COL21A1: variants seen among roughly 807,000 people sequenced by gnomAD.
The protein encoded by COL21A1 is collagen alpha-1(XXI) chain.
Under a neutral mutation model 137.9 loss-of-function variants are expected in COL21A1, and 149 were observed. The observed-to-expected ratio is 1.08, with a 90% CI of 0.95 to 1.24. COL21A1 has a LOEUF of 1.24. Among genes scored for constraint, COL21A1 ranks in the 50% most tolerant of loss-of-function variants. The probability of loss-of-function intolerance (pLI) is 0.00; values close to 1 mark genes in which losing one functional copy is unlikely to be tolerated. For missense variants in COL21A1, 1,167 were observed against 1,158.4 expected, an observed-to-expected ratio of 1.01 and a Z score of -0.11; for synonymous variants, 456 against 391.5, an observed-to-expected ratio of 1.16 and a Z score of -1.95.
intron 1 of COL21A1, among the ~76,000 whole-genome samples, chr6:56,366,182 G>C (rs759215676): frequency 1.3e-5 from 2 of 152,050 alleles, no homozygotes; most frequent in Non-Finnish European, 2.9e-5. Flanking sequence ...TGAAGCCACA[G>C]CAGGAGGGAA....
chr6:56,075,463 AATGACATCAACATACAGG>A lies in COL21A1; in HGVS notation c.1909_1911+15del, dbSNP rs1767147314. 2.0e-6 allele frequency: 3 copies of A among 1,530,746 alleles called. No individual in the cohort carries two copies. Among genetic ancestry groups the A allele is most frequent in the Non-Finnish European group, 2.6e-6 (3 of 1,136,518 alleles). The allele number at this position is 1,530,746 out of a possible 1,614,324, so 94.8% of individuals were successfully genotyped here. ...TGCAAACACTTTGATGTATGATGAT[AATGACATCAACATACAGG>A]CATCCCTGGGGCTCCTTTTTTTCCT... On this transcript the variant is annotated splice_donor_variant and splice_donor_5th_base_variant and coding_sequence_variant and intron_variant, in exon 19 of 30. Coordinates refer to ENST00000244728, the MANE Select transcript of COL21A1 (RefSeq NM_030820.4). LOFTEE classifies it high-confidence loss of function.
At chr6:56,341,061 C>T (rs1054603236) in intron 1 of COL21A1, among the ~76,000 whole-genome samples, 1 of 152,164 alleles carries the variant, frequency 6.6e-6, no homozygotes, top group African/African-American at 2.4e-5. Context: ...CAATGGTCAC[C>T]ACTTCAAAAC....
At chr6:56,232,803 T>C (rs970196603) in intron 1 of COL21A1, among the ~76,000 whole-genome samples, 6 of 151,922 alleles carry the variant, frequency 3.9e-5, no homozygotes, top group African/African-American at 1.4e-4. Context: ...GTTCACTACA[T>C]AGTAGAAGTA....
At chr6:56,270,501 C>G (rs1763500886) in intron 1 of COL21A1, among the ~76,000 whole-genome samples, 1 of 152,158 alleles carries the variant, frequency 6.6e-6, no homozygotes, top group Non-Finnish European at 1.5e-5. Context: ...CAGTATTAGA[C>G]AGACCACTGA....
intron 1 of COL21A1, among the ~76,000 whole-genome samples, chr6:56,309,086 C>T (rs72870222): frequency 0.014 from 2,090 of 151,508 alleles, 21 homozygotes; most frequent in Non-Finnish European, 0.022. Context: ...ATCTGTCGCC[C>T]GGCTGGAGTA....
intron 16 of COL21A1, among the ~76,000 whole-genome samples, chr6:56,101,806 T>G (rs923385106): frequency 6.6e-6 from 1 of 152,184 alleles, no homozygotes; most frequent in African/African-American, 2.4e-5. Flanking sequence ...TAGACCATCT[T>G]ACTTCCAAGG....
chr6:56,212,788 T>C (rs1022727609), intron 1 of COL21A1, among the ~76,000 whole-genome samples: 4 of 152,082 alleles, frequency 2.6e-5, no homozygotes, highest in African/African-American at 9.7e-5. Flanking sequence ...GGATGTGAAA[T>C]GCATGGTTTT....
rs755003886 is a variant in COL21A1, at chr6:56,168,254, G to T, written c.1070C>A (p.Thr357Lys). Residue 357 changes from threonine to lysine, a missense_variant, in exon 6 of 30, where the codon ACA becomes AAA. Coordinates refer to ENST00000244728, the MANE Select transcript of COL21A1 (RefSeq NM_030820.4). ...AATATACAAAGTCACATCTTGTTCT[G>T]TTACTAAGAGACGAATTTGGTGCCA... is the stretch of plus-strand genomic sequence containing the variant. ...EGWHQIRLLV[T>K]EQDVTLYIDD... The T allele has an allele frequency of 1.3e-6, 2 of 1,555,446 alleles. 1 individual carries two copies. The highest frequency in any genetic ancestry group is 2.5e-5 in the South Asian group (2 of 79,668).
At chr6:56,222,672 G>GA (rs1424672449) in intron 1 of COL21A1, among the ~76,000 whole-genome samples, 1 of 151,718 alleles carries the variant, frequency 6.6e-6, no homozygotes, top group East Asian at 2.0e-4. Context: ...TTAAGGTTCA[G>GA]AAAAAAATCA....
intron 24 of COL21A1, among the ~76,000 whole-genome samples, chr6:56,063,363 T>C (rs1221156731): frequency 1.3e-5 from 2 of 152,084 alleles, no homozygotes; most frequent in Non-Finnish European, 2.9e-5. Flanking sequence ...AGAGGTTAAA[T>C]GAAGGGAAGA....
At chr6:56,266,413 T>C (rs1423247899) in intron 1 of COL21A1, among the ~76,000 whole-genome samples, 1 of 152,240 alleles carries the variant, frequency 6.6e-6, no homozygotes, top group East Asian at 1.9e-4. Context: ...TTGAGGTTTG[T>C]CTGCATATTG....
At chr6:56,235,008 A>G (rs998520450) in intron 1 of COL21A1, among the ~76,000 whole-genome samples, 5 of 151,692 alleles carry the variant, frequency 3.3e-5, no homozygotes, top group Admixed American at 1.3e-4. Context: ...CCGCACCTAA[A>G]CCTTCCATTC....
chr6:56,169,026 C>G (rs1776822043), intron 5 of COL21A1, among the ~76,000 whole-genome samples: 1 of 151,904 alleles, frequency 6.6e-6, no homozygotes, highest in Non-Finnish European at 1.5e-5. Flanking sequence ...TCTTCTTGAC[C>G]CCATTTCCCT....
rs749953709 is a variant in COL21A1 at position 56,168,236 on chromosome 6, A to G, written c.1088T>C (p.Leu363Ser). Residue 363 changes from leucine (L) to serine (S), a missense_variant, in exon 6 of 30, where the codon TTG becomes TCG. Leu to Ser is a moderately radical substitution (Grantham distance 145). Coordinates refer to ENST00000244728, the MANE Select transcript of COL21A1 (RefSeq NM_030820.4). The stretch of plus-strand genomic sequence containing the variant: ...TTCAATTTGTTGGTCATCAATATAC[A>G]AAGTCACATCTTGTTCTGTTACTAA... Reference protein sequence around the residue: ...RLLVTEQDVTLYIDDQQIENK... With the variant: ...RLLVTEQDVTSYIDDQQIENK... 6.4e-7 allele frequency: 1 copy of G among 1,573,900 alleles called. No homozygotes were observed. The highest frequency in any genetic ancestry group is 1.2e-5 in the South Asian group (1 of 83,820).
At chr6:56,111,491 C>A (rs916420273) in intron 16 of COL21A1, among the ~76,000 whole-genome samples, 1 of 152,094 alleles carries the variant, frequency 6.6e-6, no homozygotes, top group African/African-American at 2.4e-5. Flanking sequence ...AAAATGTTAA[C>A]TTCAACAGAA....
chr6:56,240,737 A>G (rs1020047568), intron 1 of COL21A1, among the ~76,000 whole-genome samples: 10 of 152,168 alleles, frequency 6.6e-5, no homozygotes, highest in Admixed American at 2.0e-4. Flanking sequence ...AGGCTTTTCT[A>G]AGCTTCCAGC....
At chr6:56,173,332 C>A (rs930326351) in intron 3 of COL21A1, among the ~76,000 whole-genome samples, 7 of 150,916 alleles carry the variant, frequency 4.6e-5, no homozygotes, top group Admixed American at 4.0e-4. Context: ...GAGCTATGAT[C>A]ATGCCACTGC....
intron 1 of COL21A1, among the ~76,000 whole-genome samples, chr6:56,287,347 T>C (rs2152334948): frequency 6.6e-6 from 1 of 152,302 alleles, no homozygotes; most frequent in Non-Finnish European, 1.5e-5. Flanking sequence ...AACAGGATGA[T>C]ATGTTTGGCT....
At chr6:56,245,903 G>A (rs1172224726) in intron 1 of COL21A1, among the ~76,000 whole-genome samples, 1 of 152,230 alleles carries the variant, frequency 6.6e-6, no homozygotes, top group Non-Finnish European at 1.5e-5. Flanking sequence ...TGTACAGGAA[G>A]TCTTGGTACA....
Sources: gnomAD v4.1 joint callset for allele counts (sites outside exome capture counted in the v4.1 genomes callset) on GRCh38, gnomAD v4.1.1 for gene constraint, MANE v1.5 for transcripts, NCBI Gene and HGNC (gene_info 2026-07-23, HGNC 2026-07-21) for gene names.